The following TLN2 variants were observed in gnomAD, a reference collection of about 807,000 sequenced individuals.
The protein encoded by TLN2 is talin-2.
Under a neutral mutation model 294.7 loss-of-function variants are expected in TLN2, and 118 were observed. The observed-to-expected ratio is 0.40, with a 90% CI of 0.34 to 0.47. The LOEUF (loss-of-function observed/expected upper bound fraction) is 0.47. TLN2 is among the 20% of genes least tolerant of loss of function. The probability of loss-of-function intolerance (pLI) is 0.84; values close to 1 mark genes in which losing one functional copy is unlikely to be tolerated. For missense variants in TLN2, 3,083 were observed against 3,282.2 expected, an observed-to-expected ratio of 0.94 and a Z score of 1.48; for synonymous variants, 1,431 against 1,304.5, an observed-to-expected ratio of 1.10 and a Z score of -2.09.
chr15:62,756,010 G>A (rs528805499), intron 37 of TLN2, among the ~76,000 whole-genome samples: 15 of 152,164 alleles, frequency 9.9e-5, no homozygotes, highest in African/African-American at 2.7e-4. Context: ...CTGTGCTTGC[G>A]TAGCAAATAC....
chr15:62,662,822 G>GTTTT (rs772448730), intron 9 of TLN2, among the ~76,000 whole-genome samples: 32,876 of 108,108 alleles, frequency 0.3, 7,275 homozygotes, highest in East Asian at 0.66. Flanking sequence ...GATTGAGAGA[G>GTTTT]TTTTTTTTTT....
intron 2 of TLN2, among the ~76,000 whole-genome samples, chr15:62,601,232 G>A (rs1446290268): frequency 6.6e-6 from 1 of 152,140 alleles, no homozygotes; most frequent in African/African-American, 2.4e-5. Flanking sequence ...AGATTGAGTG[G>A]GTAGAGGCCA....
At chr15:62,464,034 A>G (rs4775505) in intron 1 of TLN2, among the ~76,000 whole-genome samples, 33,579 of 152,216 alleles carry the variant, frequency 0.22, 4,258 homozygotes, top group South Asian at 0.3. Context: ...TCAAGGATCT[A>G]GAACTAGAAA....
At chr15:62,770,191 G>A (rs762474227) in intron 41 of TLN2, among the ~76,000 whole-genome samples, 4 of 152,188 alleles carry the variant, frequency 2.6e-5, no homozygotes, top group Non-Finnish European at 5.9e-5. Context: ...ATCTTCATGT[G>A]TATCTGCCTC....
chr15:62,691,627 G>C (rs1415385493), intron 12 of TLN2, among the ~76,000 whole-genome samples: 1 of 152,078 alleles, frequency 6.6e-6, no homozygotes, highest in Non-Finnish European at 1.5e-5. Flanking sequence ...TGGGTGTCCT[G>C]GCTCTCGATA....
intron 1 of TLN2, among the ~76,000 whole-genome samples, chr15:62,490,001 A>G (rs1034051744): frequency 6.6e-6 from 1 of 152,166 alleles, no homozygotes; most frequent in African/African-American, 2.4e-5. Context: ...TGACTCATGA[A>G]ATCTGTGAGA....
In TLN2 at chr15:62,722,046, A is replaced by C. The variant is rs552986665; in HGVS notation, c.2992-307A>C. On this transcript the variant is annotated intron_variant, in intron 25 of 58. Coordinates refer to ENST00000636159, the MANE Select transcript of TLN2 (RefSeq NM_015059.3). ...GAGCTATTCTGAGAAATACAGTGAA[A>C]CCTATTTAATAAGGAACTCTCTTTG... Among the ~76,000 whole-genome samples, 4 of 152,284 alleles carry C rather than the reference A, an allele frequency of 2.6e-5. No homozygotes were observed. In the South Asian group the frequency reaches 8.3e-4, roughly 32 times the overall value.
chr15:62,660,210 G>A (rs2053664575), intron 9 of TLN2, among the ~76,000 whole-genome samples: 2 of 152,146 alleles, frequency 1.3e-5, no homozygotes, highest in East Asian at 3.8e-4. Context: ...CAGCATTTTT[G>A]CTCGAAGTTG....
At chr15:62,646,508 T>A (rs1421671430) in intron 3 of TLN2, among the ~76,000 whole-genome samples, 1 of 152,164 alleles carries the variant, frequency 6.6e-6, no homozygotes, top group Non-Finnish European at 1.5e-5. Flanking sequence ...AAACAAAATA[T>A]CTCCATAGTT....
At chr15:62,771,900 C>T (rs898448946) in intron 42 of TLN2, among the ~76,000 whole-genome samples, 6 of 152,174 alleles carry the variant, frequency 3.9e-5, no homozygotes, top group Non-Finnish European at 5.9e-5. Context: ...ATGGCACAAC[C>T]AGTCCATATT....
intron 1 of TLN2, among the ~76,000 whole-genome samples, chr15:62,444,071 A>G (rs1036887857): frequency 5.9e-5 from 9 of 152,174 alleles, no homozygotes; most frequent in Non-Finnish European, 4.4e-5. Flanking sequence ...TTTATTGAGC[A>G]CCTACCGATG....
chr15:62,474,741 G>A lies in TLN2; in HGVS notation c.-238+84056G>A, dbSNP rs1197482800. 2.0e-5 allele frequency among the ~76,000 whole-genome samples: 3 copies of A among 152,198 alleles called. 1 individual carries two copies. On this transcript the variant is annotated intron_variant, in intron 1 of 58. Coordinates refer to ENST00000636159, the MANE Select transcript of TLN2 (RefSeq NM_015059.3). ...TCCTTGAAATATGTTTGGTTTGCTT[G>A]TGTCTGAGTCGTCATTGGCTTCTCA...
chr15:62,668,046 G>A (rs1197152385), intron 9 of TLN2, among the ~76,000 whole-genome samples: 1 of 152,158 alleles, frequency 6.6e-6, no homozygotes, highest in Non-Finnish European at 1.5e-5. Context: ...AGTGGTTACT[G>A]AGGGTGGGGA....
chr15:62,814,069 A>G (rs1409159432), intron 52 of TLN2, among the ~76,000 whole-genome samples: 1 of 152,104 alleles, frequency 6.6e-6, no homozygotes, highest in Non-Finnish European at 1.5e-5. Context: ...TGGCCTCCCA[A>G]AGTGCTGGGA....
At position 62,608,444 on chromosome 15, in the gene TLN2, G is replaced by T. The variant is rs112567067; in HGVS notation, c.-161-9907G>T. Among the ~76,000 whole-genome samples the T allele has an allele frequency of 5.5e-3, 835 of 152,306 alleles. 8 individuals are homozygous for T. The highest frequency in any genetic ancestry group is 0.019 in the African/African-American group (809 of 41,558). On this transcript the variant is annotated intron_variant, in intron 2 of 58. Coordinates refer to ENST00000636159, the MANE Select transcript of TLN2 (RefSeq NM_015059.3). Reference sequence around the variant, plus strand: ...TACACTGAAGAGCGTAAGAAGAGATGTGAGGATCCTAGCTGGGAAGCTGTT... The same window carrying T: ...TACACTGAAGAGCGTAAGAAGAGATTTGAGGATCCTAGCTGGGAAGCTGTT...
At chr15:62,526,029 A>G (rs967116016) in intron 1 of TLN2, among the ~76,000 whole-genome samples, 16 of 152,182 alleles carry the variant, frequency 1.1e-4, no homozygotes, top group Non-Finnish European at 2.1e-4. Flanking sequence ...GGAGTAGGCA[A>G]TGATGTGGTT....
rs141794834 is a variant in TLN2 at position 62,833,641 on chromosome 15, C to T, written c.7128+12C>T. On this transcript the variant is annotated intron_variant, in intron 55 of 58. Coordinates refer to ENST00000636159, the MANE Select transcript of TLN2 (RefSeq NM_015059.3). ...TGGCCCAAGGAAAGGTGGGTAAAGC[C>T]GCTGACCACATGCGGGACACTCAAC... is the stretch of plus-strand genomic sequence containing the variant. 1.0e-4 allele frequency: 165 copies of T among 1,613,164 alleles called. No individual in the cohort carries two copies. Among genetic ancestry groups the T allele is most frequent in the East Asian group, 1.0e-3 (45 of 44,870 alleles).
intron 5 of TLN2, 87 bp from the exon 6 acceptor site, chr15:62,651,918 T>A (rs967635037): frequency 1.7e-5 from 24 of 1,415,304 alleles, no homozygotes; most frequent in East Asian, 4.7e-5. Flanking sequence ...CTGATTTTTT[T>A]AAAATTCATT....
chr15:62,813,703 A>G (rs1249740908), intron 52 of TLN2, among the ~76,000 whole-genome samples: 1 of 152,218 alleles, frequency 6.6e-6, no homozygotes, highest in Admixed American at 6.5e-5. Context: ...AAAATTTACA[A>G]TGTGCCTAAG....
Sources: gnomAD v4.1 joint callset for allele counts (sites outside exome capture counted in the v4.1 genomes callset) on GRCh38, gnomAD v4.1.1 for gene constraint, MANE v1.5 for transcripts, NCBI Gene and HGNC (gene_info 2026-07-23, HGNC 2026-07-21) for gene names.